The following CAPN12 variants were observed in gnomAD, a reference collection of about 807,000 sequenced individuals.
The protein encoded by CAPN12 is calpain-12.
CAPN12 carries 107 observed loss-of-function variants against 95.0 expected under a neutral mutation model. The ratio of observed to expected loss-of-function variants is 1.13; its 90% CI spans 0.96 to 1.32. The LOEUF (loss-of-function observed/expected upper bound fraction) is 1.32. Ranked by LOEUF, CAPN12 falls within the 40% of genes most tolerant of loss-of-function variation. The pLI is 0.00. For missense variants in CAPN12, 1,136 were observed against 997.8 expected (o/e 1.14, Z -1.87); for synonymous variants, 505 against 415.5 (o/e 1.22, Z -2.62).
At chr19:38,736,505 GCAGGTTGA>G (rs1255337033) in intron 11 of CAPN12, 39 bp downstream of exon 11, 3 of 1,591,844 alleles carry the variant, frequency 1.9e-6, no homozygotes, top group Non-Finnish European at 2.6e-6. Context: ...AAGCCCCAGG[GCAGGTTGA>G]CCAAGCCCCA....
At chr19:38,732,135 G>A (rs941414454) in intron 18 of CAPN12, among the ~76,000 whole-genome samples, 1 of 152,220 alleles carries the variant, frequency 6.6e-6, no homozygotes, top group Non-Finnish European at 1.5e-5. Context: ...CCTTCTTCCT[G>A]GAATAACTCC....
intron 19 of CAPN12, 41 bp from the exon 20 acceptor site, chr19:38,731,064 T>C: frequency 1.3e-6 from 2 of 1,568,646 alleles, no homozygotes; most frequent in South Asian, 1.2e-5. Flanking sequence ...CCAGTCCCCG[T>C]ACCCCTTCCC....
rs770856938 is a variant in CAPN12 at position 38,735,400 on chromosome 19, C to T, written c.1656G>A (p.Leu552=). 6 of 1,608,400 alleles carry T rather than the reference C, an allele frequency of 3.7e-6. No individual in the cohort carries two copies. Among genetic ancestry groups the T allele is most frequent in the Admixed American group, 1.7e-5 (1 of 59,616 alleles). The change falls in exon 14 of 21, where the codon TTG becomes TTA. Residue 552 remains leucine, a synonymous_variant. Coordinates refer to ENST00000328867, the MANE Select transcript of CAPN12 (RefSeq NM_144691.4). ...QGPYLPLELG[L]EQLFQELAGE... ...CAGCCAGCTCCTGAAACAGCTGCTC[C>T]AACCCCAGCTCCAGGGGCAGGTAGG...
chr19:38,736,604 G>GAGGGGAGA, intron 10 of CAPN12, 41 bp from the exon 11 acceptor site: 1 of 1,583,210 alleles, frequency 6.3e-7, no homozygotes, highest in Non-Finnish European at 8.6e-7. Context: ...GCAGGGGAGA[G>GAGGGGAGA]GTGGCCGCCG....
intron 18 of CAPN12, among the ~76,000 whole-genome samples, chr19:38,732,238 C>T (rs1033131028): frequency 2.0e-5 from 3 of 152,256 alleles, no homozygotes; most frequent in African/African-American, 7.2e-5. Context: ...CACCTCCACT[C>T]CTGTCTATCT....
rs991065631 is a variant in CAPN12 at position 38,737,565 on chromosome 19, G to A, written c.1039C>T (p.Pro347Ser). 1 of 1,612,232 alleles carries A rather than the reference G, an allele frequency of 6.2e-7. No individual in the cohort carries two copies. Among genetic ancestry groups the A allele is most frequent in the African/African-American group, 1.3e-5 (1 of 74,888 alleles). Residue 347 changes from proline (P) to serine (S), a missense_variant, in exon 9 of 21, where the codon CCC becomes TCC. Pro to Ser is a moderately conservative substitution (Grantham distance 74). Coordinates refer to ENST00000328867, the MANE Select transcript of CAPN12 (RefSeq NM_144691.4). ...TGCCAGCCGCCCCCCTCCGGGCTGG[G>A]GCCCAGCACCTCCGGGCTCAGCGAG... is the stretch of plus-strand genomic sequence containing the variant. ...ICSLSPEVLG[P>S]SPEGGGWHVH...
rs751131299 is a variant in CAPN12, at chr19:38,741,794, C to T, written c.543G>A (p.Leu181=). The T allele has an allele frequency of 9.3e-6, 15 of 1,614,052 alleles. No individual in the cohort carries two copies. Among genetic ancestry groups the T allele is most frequent in the Non-Finnish European group, 1.3e-5 (15 of 1,180,032 alleles). The change falls in exon 4 of 21, where the codon CTG becomes CTA. Residue 181 remains leucine, a synonymous_variant. Coordinates refer to ENST00000328867, the MANE Select transcript of CAPN12 (RefSeq NM_144691.4). ...GTCCTCACTTGGCGTAGGCCTTCTC[C>T]AGGAGTGGGGCCCAGAACTCATTCC... ...EQRNEFWAPL[L]EKAYAKLHGS...
At chr19:38,741,694 C>A in intron 4 of CAPN12, 83 bp downstream of exon 4, 1 of 1,540,128 alleles carries the variant, frequency 6.5e-7, no homozygotes, top group South Asian at 1.2e-5. Context: ...GATTGCAGAG[C>A]TTGGGGGACT....
rs756097316 is a variant in CAPN12 at position 38,731,227 on chromosome 19, G to C, written c.1958-4C>G. 1.9e-6 allele frequency: 3 copies of C among 1,611,360 alleles called. No individual in the cohort carries two copies. Among genetic ancestry groups the C allele is most frequent in the Non-Finnish European group, 2.5e-6 (3 of 1,179,160 alleles). On this transcript the variant is annotated splice_region_variant and splice_polypyrimidine_tract_variant and intron_variant, in intron 18 of 20. Coordinates refer to ENST00000328867, the MANE Select transcript of CAPN12 (RefSeq NM_144691.4). ...AGCTGGTTGTTCAGGTGGAAGCCTA[G>C]GGGGAGGCTGCTTCTGAGCCCAGTG... is the stretch of plus-strand genomic sequence containing the variant.
At position 38,744,109 on chromosome 19, in the gene CAPN12, G is replaced by A. The variant is rs145818487; in HGVS notation, c.57C>T (p.Val19=). 152 of 1,613,990 alleles carry A rather than the reference G, an allele frequency of 9.4e-5. No individual in the cohort carries two copies. Among genetic ancestry groups the A allele is most frequent in the Middle Eastern group, 1.6e-4 (1 of 6,084 alleles). Residue 19 remains valine (V), a synonymous_variant, in exon 1 of 21, where the codon GTC becomes GTT. Transcript: ENST00000328867. Reference sequence around the variant, plus strand: ...GAAAAAGCTGCAGGCGCCCGGCTCCGACCCCAGCCTCCTCATCCACGAGCT... The same window carrying A: ...GAAAAAGCTGCAGGCGCCCGGCTCCAACCCCAGCCTCCTCATCCACGAGCT... The part of the protein sequence containing the change: ...TIQLVDEEAG[V]GAGRLQLFRG...
In CAPN12 at chr19:38,743,966, G is replaced by C; in HGVS notation, c.200C>G (p.Ser67Trp). Residue 67 changes from serine to tryptophan, a missense_variant, in exon 1 of 21, where the codon TCG (serine) becomes TGG (tryptophan). Coordinates refer to ENST00000328867, the MANE Select transcript of CAPN12 (RefSeq NM_144691.4). ...CCATTTCACGCCTTTGGCCTTCTCCGAGTCCGGCCCCAGCTGGTCATAGCC... is the reference window on the plus strand; with the variant it reads ...CCATTTCACGCCTTTGGCCTTCTCCCAGTCCGGCCCCAGCTGGTCATAGCC... ...ALGYDQLGPD[S>W]EKAKGVKWMR... 6.2e-7 allele frequency: 1 copy of C among 1,614,196 alleles called. No homozygotes were observed. Among genetic ancestry groups the C allele is most frequent in the East Asian group, 2.2e-5 (1 of 44,892 alleles).
At chr19:38,731,370 G>A in intron 18 of CAPN12, 147 bp from the exon 19 acceptor site, 1 of 660,396 alleles carries the variant, frequency 1.5e-6, no homozygotes, top group Non-Finnish European at 2.7e-6. Flanking sequence ...AGTACAGGCT[G>A]ATCCCTTCAA....
upstream of CAPN12, among the ~76,000 whole-genome samples, chr19:38,744,656 A>G (rs914127645): frequency 2.0e-5 from 3 of 151,924 alleles, no homozygotes; most frequent in African/African-American, 7.3e-5. Flanking sequence ...GCTCACTGCA[A>G]CCTCCGCCTT....
chr19:38,738,265 G>GA lies in CAPN12; in HGVS notation c.965+7dup. The GA allele has an allele frequency of 1.2e-6, 2 of 1,611,886 alleles. No individual in the cohort carries two copies. The highest frequency in any genetic ancestry group is 1.7e-6 in the Non-Finnish European group (2 of 1,179,986). ...CCAGAGGCAGAGCTGGGACCCTGAC[G>GA]AACTGACCAGAACTCGCCATCCTCC... On this transcript the variant is annotated splice_region_variant and intron_variant, in intron 8 of 20. Transcript: ENST00000328867.
At chr19:38,734,463 AC>A (rs1390863845) in intron 15 of CAPN12, 74 bp from the exon 16 acceptor site, 7 of 1,322,888 alleles carry the variant, frequency 5.3e-6, no homozygotes, top group Non-Finnish European at 6.3e-6. Flanking sequence ...GGTGGATGTG[AC>A]TCCCTTAAGC....
At chr19:38,736,864 TCA>T in intron 10 of CAPN12, 1 of 576,440 alleles carries the variant, frequency 1.7e-6, no homozygotes. Flanking sequence ...CCCCTCCCTC[TCA>T]TTCCCTTAGC....
rs1336081011 is a variant in CAPN12, at chr19:38,741,827, C to T, written c.510G>A (p.Ser170=). The stretch of plus-strand genomic sequence containing the variant: ...GGGCCCAGAACTCATTCCGCTGTTC[C>T]GAGCGCACGAACATCAGCTTCCCCT... The part of the protein sequence containing the change: ...VREGKLMFVR[S]EQRNEFWAPL... Residue 170 remains serine, a synonymous_variant, in exon 4 of 21, where the codon TCG becomes TCA. Transcript: ENST00000328867. The T allele has an allele frequency of 6.2e-6, 10 of 1,613,954 alleles. No homozygotes were observed. Among genetic ancestry groups the T allele is most frequent in the Admixed American group, 3.3e-5 (2 of 59,988 alleles).
chr19:38,739,354 CAGG>C (rs1022817091), intron 5 of CAPN12: 1 of 145,902 alleles, frequency 6.9e-6, no homozygotes, highest in African/African-American at 2.6e-5. Context: ...GGAGGCAAAG[CAGG>C]AGAATTGCTT....
At chr19:38,741,712 C>A (rs929114027) in intron 4 of CAPN12, 65 bp downstream of exon 4, 1 of 1,585,806 alleles carries the variant, frequency 6.3e-7, no homozygotes, top group Non-Finnish European at 8.6e-7. Context: ...ACTCTGGGTC[C>A]CCCTGTGGCT....
Sources: allele counts gnomAD v4.1 joint callset (sites outside exome capture counted in the v4.1 genomes callset), GRCh38; gene constraint gnomAD v4.1.1; transcripts MANE v1.5; gene names NCBI Gene and HGNC (gene_info 2026-07-23, HGNC 2026-07-21).